CRYBG3: variants seen among roughly 807,000 people sequenced by gnomAD.
CRYBG3 encodes very large A-kinase anchor protein.
Under a neutral mutation model 244.2 loss-of-function variants are expected in CRYBG3, and 127 were observed. That is an observed-to-expected ratio of 0.52 (90% CI 0.45 to 0.60). The LOEUF (loss-of-function observed/expected upper bound fraction) is 0.60. Ranked by LOEUF, CRYBG3 falls within the 20% of genes least tolerant of loss-of-function variation. The pLI, the probability that CRYBG3 is intolerant of heterozygous loss-of-function variation, is 0.00. For missense variants in CRYBG3, 3,325 were observed against 3,442.5 expected (o/e 0.97, Z 0.85); for synonymous variants, 1,132 against 1,195.8 (o/e 0.95, Z 1.10).
chr3:97,839,060 G>A (rs1048524480), intron 1 of CRYBG3, among the ~76,000 whole-genome samples: 5 of 152,086 alleles, frequency 3.3e-5, no homozygotes, highest in Non-Finnish European at 5.9e-5. Context: ...ATGTAAGGTG[G>A]TTTTATTTGT....
In CRYBG3 at chr3:97,889,349, C is replaced by G. The variant is rs2039545573; in HGVS notation, c.7405-6C>G. Reference sequence around the variant, plus strand: ...GTCTAATATTAAACTATCTTGTCATCTTAAGGGTGGACTGAAAGTGGAAAT... The same window carrying G: ...GTCTAATATTAAACTATCTTGTCATGTTAAGGGTGGACTGAAAGTGGAAAT... On this transcript the variant is annotated splice_polypyrimidine_tract_variant and splice_region_variant and intron_variant, in intron 9 of 21. Coordinates refer to ENST00000389622, the MANE Select transcript of CRYBG3 (RefSeq NM_153605.4). 1 of 1,601,500 alleles carries G rather than the reference C, an allele frequency of 6.2e-7. No homozygotes were observed. The highest frequency in any genetic ancestry group is 1.3e-5 in the African/African-American group (1 of 74,584).
intron 20 of CRYBG3, 97 bp from the exon 21 acceptor site, chr3:97,942,187 C>A: frequency 9.5e-7 from 1 of 1,051,450 alleles, no homozygotes; most frequent in Non-Finnish European, 1.4e-6. Flanking sequence ...ACACACACTT[C>A]ATGTCTATGA....
chr3:97,915,933 T>C (rs2039924101), intron 17 of CRYBG3, among the ~76,000 whole-genome samples, 197 bp downstream of exon 17: 3 of 152,066 alleles, frequency 2.0e-5, no homozygotes, highest in Admixed American at 2.0e-4. Context: ...TCTCCTTTTT[T>C]AAAAAAAGCA....
intron 11 of CRYBG3, among the ~76,000 whole-genome samples, chr3:97,895,153 G>A (rs2039625521): frequency 6.6e-6 from 1 of 152,188 alleles, no homozygotes; most frequent in Admixed American, 6.5e-5. Flanking sequence ...CTATTGGAGG[G>A]CATCTCAGTC....
intron 16 of CRYBG3, among the ~76,000 whole-genome samples, chr3:97,913,004 C>G (rs941778983): frequency 4.6e-5 from 7 of 152,126 alleles, no homozygotes; most frequent in Middle Eastern, 3.4e-3. Context: ...TTTAAAATAT[C>G]TTAGGTTTGT....
chr3:97,877,937 C>T lies in CRYBG3; in HGVS notation c.6743C>T (p.Ser2248Phe). ...HQYLQTSQSHSSEKGARFGGI... is the reference protein window; with the variant it reads ...HQYLQTSQSHFSEKGARFGGI... Reference sequence around the variant, plus strand: ...TATCTGCAGACTTCCCAAAGTCATTCCTCAGAAAAAGGAGCCAGATTTGGT... The same window carrying T: ...TATCTGCAGACTTCCCAAAGTCATTTCTCAGAAAAAGGAGCCAGATTTGGT... The change falls in exon 4 of 22, where the codon TCC (serine) becomes TTC (phenylalanine). Residue 2248 changes from serine (S) to phenylalanine (F), a missense_variant. Physicochemically the swap from Ser to Phe is radical, Grantham distance 155 (BLOSUM62 -2). Around this residue, in one of 4 missense-constraint regions of CRYBG3, gnomAD observed 450 missense variants for 424.1 expected, o/e 1.06. Coordinates refer to ENST00000389622, the MANE Select transcript of CRYBG3 (RefSeq NM_153605.4). 6.2e-7 allele frequency: 1 copy of T among 1,614,048 alleles called. No homozygotes were observed. Among genetic ancestry groups the T allele is most frequent in the Non-Finnish European group, 8.5e-7 (1 of 1,179,952 alleles).
In CRYBG3 at chr3:97,877,876, A is replaced by C. The variant is rs1282509525; in HGVS notation, c.6682A>C (p.Lys2228Gln). The C allele has an allele frequency of 6.2e-7, 1 of 1,614,012 alleles. No individual in the cohort carries two copies. The highest frequency in any genetic ancestry group is 1.3e-5 in the African/African-American group (1 of 74,922). ...SFLQKSDLTSKLHSSLKSAYH... is the reference protein window; with the variant it reads ...SFLQKSDLTSQLHSSLKSAYH... ...TCTCCAGAAATCTGACCTTACTTCT[A>C]AACTACATTCTTCTTTAAAGAGTGC... The change falls in exon 4 of 22, where the codon AAA becomes CAA. Residue 2228 changes from lysine to glutamine, a missense_variant. Lys to Gln is a moderately conservative substitution (Grantham distance 53). Coordinates refer to ENST00000389622, the MANE Select transcript of CRYBG3 (RefSeq NM_153605.4).
At chr3:97,847,274 T>C (rs1191030633) in intron 2 of CRYBG3, among the ~76,000 whole-genome samples, 1 of 152,238 alleles carries the variant, frequency 6.6e-6, no homozygotes, top group Non-Finnish European at 1.5e-5. Flanking sequence ...TTTGTACTTA[T>C]AACTAAAAAC....
Position 97,933,004 on chromosome 3 carries a change from C to G in CRYBG3, c.8242-690C>G, listed in dbSNP as rs185259328. ...ACTGGATTACATTACAATATCTGTA[C>G]AGTTTTAATTTAACTATTTGTTAGT... is the stretch of plus-strand genomic sequence containing the variant. On this transcript the variant is annotated intron_variant, in intron 17 of 21. Transcript: ENST00000389622. The G allele has an allele frequency of 2.2e-4, 85 of 390,564 alleles. No individual in the cohort carries two copies. In the East Asian group the frequency reaches 6.2e-3, roughly 28 times the overall value. The allele number at this position is 390,564 out of a possible 1,614,324, so 24.2% of individuals were successfully genotyped here.
At position 97,855,625 on chromosome 3, in the gene CRYBG3, A is replaced by G. The variant is rs886269021; in HGVS notation, c.217-8592A>G. On this transcript the variant is annotated intron_variant, in intron 2 of 21. Transcript: ENST00000389622. ...CCGATAGTCACGTAGATTCTTTTCT[A>G]TTTTCCTTAAGCGTCAGCTGGCTTG... Among the ~76,000 whole-genome samples the G allele has an allele frequency of 5.9e-5, 9 of 152,016 alleles. No individual in the cohort carries two copies. The South Asian group carries it at 1.2e-3, about 21-fold the overall frequency.
intron 1 of CRYBG3, among the ~76,000 whole-genome samples, chr3:97,827,532 T>C (rs905440918): frequency 6.6e-6 from 1 of 152,218 alleles, no homozygotes; most frequent in Non-Finnish European, 1.5e-5. Flanking sequence ...ATTGGAAGTA[T>C]GCTAAAGCAC....
At chr3:97,923,511 C>T (rs1016904552) in intron 17 of CRYBG3, among the ~76,000 whole-genome samples, 5 of 151,894 alleles carry the variant, frequency 3.3e-5, no homozygotes, top group African/African-American at 1.2e-4. Flanking sequence ...TCTTTAAATT[C>T]AGGCAGCAGG....
intron 17 of CRYBG3, among the ~76,000 whole-genome samples, chr3:97,928,517 C>T (rs981663053): frequency 2.0e-5 from 3 of 151,728 alleles, no homozygotes; most frequent in Non-Finnish European, 1.5e-5. Context: ...TGCAATTTAT[C>T]CATGTAACAA....
At chr3:97,903,458 A>G (rs745989755) in intron 15 of CRYBG3, among the ~76,000 whole-genome samples, 8 of 152,202 alleles carry the variant, frequency 5.3e-5, no homozygotes, top group African/African-American at 7.2e-5. Context: ...TGAGAAATAT[A>G]TAACACTACA....
intron 18 of CRYBG3, 45 bp from the exon 19 acceptor site, chr3:97,936,740 T>G: frequency 6.3e-7 from 1 of 1,593,896 alleles, no homozygotes; most frequent in Non-Finnish European, 8.5e-7. Flanking sequence ...GAGGGATTTT[T>G]TTTTGTTTTG....
rs146741259 is a variant in CRYBG3 at position 97,836,081 on chromosome 3, G to A, written c.150-7114G>A. ...TAATTATGGGTCTTATTTTGGGGGCGTGAGTTGGGGAACAGGAAATAAGTC... is the reference window on the plus strand; with the variant it reads ...TAATTATGGGTCTTATTTTGGGGGCATGAGTTGGGGAACAGGAAATAAGTC... On this transcript the variant is annotated intron_variant, in intron 1 of 21. Coordinates refer to ENST00000389622, the MANE Select transcript of CRYBG3 (RefSeq NM_153605.4). 1.9e-4 allele frequency among the ~76,000 whole-genome samples: 29 copies of A among 152,184 alleles called. No homozygotes were observed. In the South Asian group the frequency reaches 2.7e-3, roughly 14 times the overall value.
intron 1 of CRYBG3, among the ~76,000 whole-genome samples, chr3:97,840,412 T>A (rs1056409232): frequency 5.9e-5 from 9 of 152,152 alleles, no homozygotes; most frequent in Non-Finnish European, 8.8e-5. Flanking sequence ...ACTTAAAGGA[T>A]GTAAGTGAGA....
At chr3:97,906,226 G>A (rs1350821450) in intron 15 of CRYBG3, among the ~76,000 whole-genome samples, 1 of 133,260 alleles carries the variant, frequency 7.5e-6, no homozygotes, top group Non-Finnish European at 1.6e-5. Flanking sequence ...TTCGCAATGC[G>A]GGCTCTTTTT....
chr3:97,902,088 G>A lies in CRYBG3; in HGVS notation c.8004+1603G>A, dbSNP rs892464209. 5.9e-5 allele frequency among the ~76,000 whole-genome samples: 9 copies of A among 152,230 alleles called. 2 individuals carry two copies. Among genetic ancestry groups the A allele is most frequent in the Admixed American group, 6.5e-5 (1 of 15,286 alleles). ...AGATCTTGGCTGACACGCTGGTTCC[G>A]TTCAATAACTAGAAAGTATTTTCAA... On this transcript the variant is annotated intron_variant, in intron 15 of 21. Coordinates refer to ENST00000389622, the MANE Select transcript of CRYBG3 (RefSeq NM_153605.4).
Sources: allele counts gnomAD v4.1 joint callset (sites outside exome capture counted in the v4.1 genomes callset), GRCh38; gene constraint gnomAD v4.1.1; regional missense constraint gnomAD v4.1.1; transcripts MANE v1.5; gene names NCBI Gene and HGNC (gene_info 2026-07-23, HGNC 2026-07-21).